Variants in GADL1 observed in about 807,000 individuals in gnomAD.
GADL1 encodes the protein acidic amino acid decarboxylase GADL1.
Under a neutral mutation model 69.5 loss-of-function variants are expected in GADL1, and 71 were observed. The ratio of observed to expected loss-of-function variants is 1.02; its 90% CI spans 0.84 to 1.25. The LOEUF is 1.25. GADL1 is among the 50% of genes most tolerant of loss of function. The pLI is 0.00. For synonymous variants in GADL1, 254 were observed against 214.4 expected, an observed-to-expected ratio of 1.18 and a Z score of -1.62; for missense variants, 737 against 631.8, an observed-to-expected ratio of 1.17 and a Z score of -1.79.
intron 14 of GADL1, among the ~76,000 whole-genome samples, chr3:30,772,871 G>A (rs539387438): frequency 3.9e-5 from 6 of 152,248 alleles, no homozygotes; most frequent in African/African-American, 1.4e-4. Context: ...GTGAGACTCT[G>A]TCTTAACAAA....
intron 6 of GADL1, among the ~76,000 whole-genome samples, chr3:30,846,094 A>G (rs1034148618): frequency 1.3e-5 from 2 of 152,142 alleles, no homozygotes; most frequent in Non-Finnish European, 2.9e-5. Flanking sequence ...CTGAAGTTTA[A>G]ACATCTGAAA....
chr3:30,852,655 G>A (rs1310813482), intron 4 of GADL1, among the ~76,000 whole-genome samples: 8 of 147,096 alleles, frequency 5.4e-5, no homozygotes, highest in African/African-American at 2.0e-4. Context: ...AAAAAAAAAA[G>A]TATTTAGCCT....
At chr3:30,863,053 A>ACACACACT (rs1023218822) in intron 1 of GADL1, among the ~76,000 whole-genome samples, 1 of 149,180 alleles carries the variant, frequency 6.7e-6, no homozygotes, top group African/African-American at 2.5e-5. Flanking sequence ...ACACACACAC[A>ACACACACT]CTCTCTCTCA....
intron 6 of GADL1, among the ~76,000 whole-genome samples, chr3:30,844,774 T>C (rs1239962290): frequency 6.6e-6 from 1 of 152,144 alleles, no homozygotes; most frequent in Non-Finnish European, 1.5e-5. Context: ...CTACTCCATC[T>C]GCTCGTGCTA....
chr3:30,863,058 CT>C (rs1405319892), intron 1 of GADL1, among the ~76,000 whole-genome samples: 1 of 151,412 alleles, frequency 6.6e-6, no homozygotes, highest in Non-Finnish European at 1.5e-5. Context: ...CACACACTCT[CT>C]CTCACACTCA....
At position 30,785,022 on chromosome 3, in the gene GADL1, T is replaced by C. The variant is rs568136479; in HGVS notation, c.1302+1333A>G. Among the ~76,000 whole-genome samples, 3 of 152,322 alleles carry C rather than the reference T, an allele frequency of 2.0e-5. No homozygotes were observed. The East Asian group carries it at 5.8e-4, about 29-fold the overall frequency. On this transcript the variant is annotated intron_variant, in intron 13 of 14. Transcript: ENST00000282538. Reference sequence around the variant, plus strand: ...ACATCCGCATGGCTTGCTGTTTATCTTTATTCAGGTCTCAGCTCAAAGATA... The same window carrying C: ...ACATCCGCATGGCTTGCTGTTTATCCTTATTCAGGTCTCAGCTCAAAGATA...
rs1697779264 is a variant in GADL1, at chr3:30,830,971, AATTG to A, written c.1050+2878_1050+2881del. 2.1e-5 allele frequency among the ~76,000 whole-genome samples: 3 copies of A among 141,164 alleles called. No homozygotes were observed. In the Admixed American group the frequency reaches 2.2e-4, roughly 10 times the overall value. 92.6% of individuals were successfully genotyped at this position (141,164 alleles called of 152,430 possible). A position where few individuals can be genotyped will look rare whatever the true frequency, so the allele number is the denominator to read the frequency against. ...TCTCCCATAATTGATAATTGATAAT[AATTG>A]ATAATTGAGCCCTGTCTAATTGATA... On this transcript the variant is annotated intron_variant, in intron 11 of 14. Transcript: ENST00000282538.
At chr3:30,844,654 C>A (rs1156375565) in intron 6 of GADL1, among the ~76,000 whole-genome samples, 188 bp from the exon 7 acceptor site, 1 of 152,108 alleles carries the variant, frequency 6.6e-6, no homozygotes, top group South Asian at 2.1e-4. Context: ...GTCAGAGAAA[C>A]CAGGATTGAA....
At chr3:30,841,150 A>C (rs553848880) in intron 8 of GADL1, among the ~76,000 whole-genome samples, 25 of 152,290 alleles carry the variant, frequency 1.6e-4, no homozygotes, top group African/African-American at 5.1e-4. Flanking sequence ...CTAGGCCTGA[A>C]GCTACTGAGA....
chr3:30,852,679 G>T (rs999052339), intron 4 of GADL1, among the ~76,000 whole-genome samples: 4 of 151,852 alleles, frequency 2.6e-5, no homozygotes, highest in Non-Finnish European at 5.9e-5. Flanking sequence ...TTTGAAAACT[G>T]GCTCAATTAT....
chr3:30,751,564 A>G (rs1052230856), intron 14 of GADL1, among the ~76,000 whole-genome samples: 2 of 151,740 alleles, frequency 1.3e-5, no homozygotes, highest in African/African-American at 4.8e-5. Context: ...CTAGTAGACT[A>G]GAAAAAAGGC....
At chr3:30,801,907 C>A (rs953011376) in intron 11 of GADL1, among the ~76,000 whole-genome samples, 1 of 152,148 alleles carries the variant, frequency 6.6e-6, no homozygotes, top group East Asian at 1.9e-4. Flanking sequence ...CTCAGTGGAG[C>A]CAATGTACTC....
At position 30,861,749 on chromosome 3, in the gene GADL1, T is replaced by C; in HGVS notation, c.54A>G (p.Gln18=). The part of the protein sequence containing the change: ...QCPVDGDIDQ[Q]EMIPSKKNAV... ...CATTCTTCTTACTTGGAATCATCTC[T>C]TGTTGATCAATATCTCCTGGAAGCA... Residue 18 remains glutamine (Q), a synonymous_variant, in exon 2 of 15, where the codon CAA becomes CAG. Transcript: ENST00000282538. The C allele has an allele frequency of 6.5e-7, 1 of 1,545,888 alleles. No individual in the cohort carries two copies. The highest frequency in any genetic ancestry group is 1.7e-4 in the Middle Eastern group (1 of 5,962).
At chr3:30,854,241 C>G (rs1003801016) in intron 4 of GADL1, among the ~76,000 whole-genome samples, 4 of 152,130 alleles carry the variant, frequency 2.6e-5, no homozygotes, top group African/African-American at 7.2e-5. Context: ...AAAAATTGTC[C>G]CATTCATATG....
intron 1 of GADL1, among the ~76,000 whole-genome samples, chr3:30,889,649 T>C (rs1358080098): frequency 6.6e-6 from 1 of 152,194 alleles, no homozygotes; most frequent in African/African-American, 2.4e-5. Flanking sequence ...TTTGAGTTTC[T>C]TTTTAAATCA....
chr3:30,749,581 A>G lies in GADL1; in HGVS notation c.1393-21166T>C, dbSNP rs147750755. Among the ~76,000 whole-genome samples, 446 of 152,346 alleles carry G rather than the reference A, an allele frequency of 2.9e-3. 5 individuals are homozygous for G. The highest frequency in any genetic ancestry group is 0.01 in the African/African-American group (416 of 41,578). On this transcript the variant is annotated intron_variant, in intron 14 of 14. Coordinates refer to ENST00000282538, the MANE Select transcript of GADL1 (RefSeq NM_207359.3). ...ATGGGACCTACTTTGATCTTAGAGA[A>G]CAGAACAGTTTTCAAACATTCCAAC... is the stretch of plus-strand genomic sequence containing the variant.
At chr3:30,893,468 A>C (rs2125549308) in intron 1 of GADL1, among the ~76,000 whole-genome samples, 1 of 152,194 alleles carries the variant, frequency 6.6e-6, no homozygotes, top group South Asian at 2.1e-4. Flanking sequence ...GTGCAATACA[A>C]CACTGGAATT....
chr3:30,743,646 T>C (rs1036428979), intron 14 of GADL1, among the ~76,000 whole-genome samples: 2 of 152,218 alleles, frequency 1.3e-5, no homozygotes, highest in Non-Finnish European at 2.9e-5. Flanking sequence ...CAACACACTC[T>C]GATTCCCTGA....
intron 4 of GADL1, among the ~76,000 whole-genome samples, chr3:30,852,039 C>G (rs935868120): frequency 1.3e-5 from 2 of 152,084 alleles, no homozygotes; most frequent in Non-Finnish European, 2.9e-5. Flanking sequence ...AATGTGTACT[C>G]TAAATATGTA....
Sources: allele counts gnomAD v4.1 joint callset (sites outside exome capture counted in the v4.1 genomes callset), GRCh38; gene constraint gnomAD v4.1.1; transcripts MANE v1.5; gene names NCBI Gene and HGNC (gene_info 2026-07-23, HGNC 2026-07-21).